The following HBS1L variants were observed in gnomAD, a reference collection of about 807,000 sequenced individuals.
HBS1L encodes HBS1-like protein.
Under a neutral mutation model 88.9 loss-of-function variants are expected in HBS1L, and 55 were observed. That is an observed-to-expected ratio of 0.62 (90% CI 0.50 to 0.77). The LOEUF is 0.77. Ranked by LOEUF, HBS1L falls within the 30% of genes least tolerant of loss-of-function variation. The pLI is 0.00. For synonymous variants in HBS1L, 267 were observed against 288.5 expected (o/e 0.93, Z 0.76); for missense variants, 741 against 829.3 (o/e 0.89, Z 1.31).
chr6:135,036,843 G>T (rs773244423), intron 4 of HBS1L: 232 of 1,551,714 alleles, frequency 1.5e-4, no homozygotes, highest in Non-Finnish European at 2.0e-4. Flanking sequence ...GAGAGCCTTT[G>T]TTGTTTTTCT....
chr6:134,985,432 G>T lies in HBS1L; in HGVS notation c.1424-23C>A, dbSNP rs770809733. ...AATCTGGAAAAAAGAAATTGCAAAAGGCAAGGTTTAATTTAAAATTAAATT... is the reference window on the plus strand; with the variant it reads ...AATCTGGAAAAAAGAAATTGCAAAATGCAAGGTTTAATTTAAAATTAAATT... On this transcript the variant is annotated intron_variant, in intron 11 of 17. Coordinates refer to ENST00000367837, the MANE Select transcript of HBS1L (RefSeq NM_006620.4). 10 of 1,505,876 alleles carry T rather than the reference G, an allele frequency of 6.6e-6. No individual in the cohort carries two copies. The East Asian group carries it at 2.1e-4, about 31-fold the overall frequency. 93.3% of individuals were successfully genotyped at this position (1,505,876 alleles called of 1,614,324 possible). A position where few individuals can be genotyped will look rare whatever the true frequency, so the allele number is the denominator to read the frequency against.
intron 8 of HBS1L, among the ~76,000 whole-genome samples, chr6:134,988,010 G>C (rs1300268982): frequency 1.3e-5 from 2 of 152,032 alleles, no homozygotes; most frequent in African/African-American, 4.8e-5. Context: ...GTCCACACTT[G>C]ATTATATAAG....
At chr6:134,966,934 A>AAAACTCAACTG (rs1774333558) in intron 16 of HBS1L, among the ~76,000 whole-genome samples, 1 of 147,404 alleles carries the variant, frequency 6.8e-6, no homozygotes, top group African/African-American at 2.7e-5. Flanking sequence ...GTGTATTAGG[A>AAAACTCAACTG]AGTTATCTGT....
chr6:135,042,535 G>A (rs1021844548), intron 2 of HBS1L, among the ~76,000 whole-genome samples: 5 of 152,072 alleles, frequency 3.3e-5, no homozygotes, highest in South Asian at 2.1e-4. Flanking sequence ...GTGGCCAAGC[G>A]CAGTGGCTCA....
At chr6:135,021,320 C>T (rs750293019) in intron 4 of HBS1L, among the ~76,000 whole-genome samples, 2 of 152,048 alleles carry the variant, frequency 1.3e-5, no homozygotes, top group Non-Finnish European at 2.9e-5. Context: ...TAAATTGGTT[C>T]TCAATAAACA....
intron 4 of HBS1L, among the ~76,000 whole-genome samples, chr6:135,032,334 T>C (rs1352794962): frequency 6.6e-6 from 1 of 152,114 alleles, no homozygotes; most frequent in Non-Finnish European, 1.5e-5. Context: ...ACAAAATATA[T>C]ATATTCAAAA....
chr6:135,019,522 C>G (rs1776013305), intron 4 of HBS1L, among the ~76,000 whole-genome samples: 1 of 151,852 alleles, frequency 6.6e-6, no homozygotes, highest in Admixed American at 6.6e-5. Context: ...TTAGGTGCCA[C>G]ACACTGTTTT....
At chr6:134,981,276 G>C (rs759574165) in intron 13 of HBS1L, among the ~76,000 whole-genome samples, 13 of 151,820 alleles carry the variant, frequency 8.6e-5, no homozygotes, top group African/African-American at 3.1e-4. Flanking sequence ...AAAAACAAAA[G>C]CAGAGACCTG....
At position 135,042,111 on chromosome 6, in the gene HBS1L, T is replaced by C; in HGVS notation, c.125A>G (p.Tyr42Cys). 1 of 1,612,952 alleles carries C rather than the reference T, an allele frequency of 6.2e-7. No homozygotes were observed. Among genetic ancestry groups the C allele is most frequent in the Non-Finnish European group, 8.5e-7 (1 of 1,179,358 alleles). ...AACGGAAGGTTTGTCACGCCGTGAA[T>C]AAATAAACTGAGCAGCTAGAATATA... is the stretch of plus-strand genomic sequence containing the variant. ...ISPSTAAQFI[Y>C]SRRDKPSVEP... Residue 42 changes from tyrosine to cysteine, a missense_variant, in exon 3 of 18, where the codon TAT becomes TGT. Coordinates refer to ENST00000367837, the MANE Select transcript of HBS1L (RefSeq NM_006620.4).
intron 8 of HBS1L, among the ~76,000 whole-genome samples, 173 bp from the exon 9 acceptor site, chr6:134,987,964 G>A (rs1775025008): frequency 6.6e-6 from 1 of 151,836 alleles, no homozygotes; most frequent in South Asian, 2.1e-4. Flanking sequence ...TAAAATAAAA[G>A]TCACCAAAAA....
rs189986296 is a variant in HBS1L at position 135,041,293 on chromosome 6, T to A, written c.235+708A>T. Among the ~76,000 whole-genome samples, 576 of 152,110 alleles carry A rather than the reference T, an allele frequency of 3.8e-3. 3 individuals carry two copies. Among genetic ancestry groups the A allele is most frequent in the African/African-American group, 0.012 (515 of 41,562 alleles). The stretch of plus-strand genomic sequence containing the variant: ...CTATGGGATAATATTATCTCTTTGA[T>A]AAATACATCAATTATTGAAACTGTA... On this transcript the variant is annotated intron_variant, in intron 3 of 17. Transcript: ENST00000367837.
At chr6:134,985,725 C>CA (rs1326773572) in intron 11 of HBS1L, among the ~76,000 whole-genome samples, 8 of 149,102 alleles carry the variant, frequency 5.4e-5, no homozygotes, top group South Asian at 2.1e-4. Flanking sequence ...TTCCAAAATC[C>CA]AAAAAAAAAA....
intron 4 of HBS1L, among the ~76,000 whole-genome samples, chr6:135,020,679 T>C (rs559390197): frequency 6.6e-6 from 1 of 152,156 alleles, no homozygotes; most frequent in East Asian, 1.9e-4. Flanking sequence ...CTAAAAGTAC[T>C]ATATGTACAA....
chr6:135,035,284 T>C (rs1408492109), intron 4 of HBS1L, among the ~76,000 whole-genome samples: 4 of 151,750 alleles, frequency 2.6e-5, no homozygotes, highest in African/African-American at 9.7e-5. Context: ...ACCCCGTCTC[T>C]ACTAAAAATA....
At chr6:134,992,797 A>G (rs1775180937) in intron 8 of HBS1L, among the ~76,000 whole-genome samples, 2 of 152,232 alleles carry the variant, frequency 1.3e-5, no homozygotes, top group Admixed American at 6.5e-5. Flanking sequence ...ACTATTAAAG[A>G]AAAACATATT....
At chr6:134,966,709 C>T (rs918910431) in intron 16 of HBS1L, among the ~76,000 whole-genome samples, 2 of 151,484 alleles carry the variant, frequency 1.3e-5, no homozygotes, top group Non-Finnish European at 2.9e-5. Flanking sequence ...TACCAATCTT[C>T]CAAATATAAC....
In HBS1L at chr6:134,997,712, A is replaced by G; in HGVS notation, c.540-56T>C. The G allele has an allele frequency of 6.6e-6, 10 of 1,514,318 alleles. No individual in the cohort carries two copies. The South Asian group carries it at 1.0e-4, about 15-fold the overall frequency. The allele number at this position is 1,514,318 out of a possible 1,614,324, so 93.8% of individuals were successfully genotyped here. On this transcript the variant is annotated intron_variant, in intron 5 of 17. Transcript: ENST00000367837. ...GAAACCAACTCTATTGATGTCCTAC[A>G]ATGACAGAAGGGCAGAGAAACTGTT... is the stretch of plus-strand genomic sequence containing the variant.
intron 2 of HBS1L, among the ~76,000 whole-genome samples, chr6:135,043,208 G>A (rs893617161): frequency 6.6e-6 from 1 of 152,316 alleles, no homozygotes; most frequent in East Asian, 1.9e-4. Context: ...CCACTGAACT[G>A]AATCCTGGAC....
intron 4 of HBS1L, among the ~76,000 whole-genome samples, chr6:135,028,087 TA>T (rs1776285348): frequency 2.0e-5 from 3 of 151,896 alleles, no homozygotes; most frequent in South Asian, 4.2e-4. Flanking sequence ...TAAGATGAAT[TA>T]AAAATGCATG....
Sources: allele counts gnomAD v4.1 joint callset (sites outside exome capture counted in the v4.1 genomes callset), GRCh38; gene constraint gnomAD v4.1.1; transcripts MANE v1.5; gene names NCBI Gene and HGNC (gene_info 2026-07-23, HGNC 2026-07-21).